The following ADGRL3 variants were observed in gnomAD, a reference collection of about 807,000 sequenced individuals.
ADGRL3 encodes adhesion G protein-coupled receptor L3.
In ADGRL3, 62 loss-of-function variants were observed where a neutral mutation model predicts 153.5. The observed-to-expected ratio is 0.40, with a 90% CI of 0.33 to 0.50. ADGRL3 has a LOEUF of 0.50. Ranked by LOEUF, ADGRL3 falls within the 20% of genes least tolerant of loss-of-function variation. The probability of loss-of-function intolerance (pLI) is 0.47; values close to 1 mark genes in which losing one functional copy is unlikely to be tolerated. For missense variants in ADGRL3, 1,641 were observed against 1,859.4 expected (o/e 0.88, Z 2.16); for synonymous variants, 710 against 672.5 (o/e 1.06, Z -0.86).
intron 4 of ADGRL3, chr4:61,583,806 G>A (rs2098935547): frequency 2.0e-6 from 1 of 509,054 alleles, no homozygotes; most frequent in Non-Finnish European, 3.9e-6. Context: ...ATGACACTGT[G>A]TTCTTTGATA....
chr4:61,340,371 A>G lies in ADGRL3; in HGVS notation c.-239-42753A>G, dbSNP rs914250569. On this transcript the variant is annotated intron_variant, in intron 1 of 26. Coordinates refer to ENST00000683033, the MANE Select transcript of ADGRL3 (RefSeq NM_001387552.1). Reference sequence around the variant, plus strand: ...CTTTTCTCTATTATAGCAATTCAAGATTTATAACTTGTCTTACTTTGGGAG... The same window carrying G: ...CTTTTCTCTATTATAGCAATTCAAGGTTTATAACTTGTCTTACTTTGGGAG... 2.6e-5 allele frequency among the ~76,000 whole-genome samples: 4 copies of G among 151,456 alleles called. No homozygotes were observed. In the South Asian group the frequency reaches 8.3e-4, roughly 31 times the overall value.
chr4:61,462,973 G>A (rs1244723625), intron 2 of ADGRL3, among the ~76,000 whole-genome samples: 1 of 152,138 alleles, frequency 6.6e-6, no homozygotes, highest in Non-Finnish European at 1.5e-5. Context: ...CAAGGTCTCT[G>A]CTAGAAAAAT....
chr4:62,068,086 C>A, intron 25 of ADGRL3, 80 bp from the exon 26 acceptor site: 1 of 950,894 alleles, frequency 1.1e-6, no homozygotes, highest in Non-Finnish European at 1.5e-6. Flanking sequence ...CATCAATTTG[C>A]TTTTTACTCA....
intron 9 of ADGRL3, among the ~76,000 whole-genome samples, chr4:61,869,960 A>AAAAAAAAAAAGAG (rs1554051477): frequency 9.8e-6 from 1 of 101,866 alleles, no homozygotes; most frequent in East Asian, 2.6e-4. Context: ...AAAAAAAAAA[A>AAAAAAAAAAAGAG]AGAGAGAGAG....
intron 9 of ADGRL3, among the ~76,000 whole-genome samples, chr4:61,868,887 A>C (rs1169282354): frequency 6.6e-6 from 1 of 152,140 alleles, no homozygotes; most frequent in Admixed American, 6.5e-5. Context: ...CGATGCTATT[A>C]ATTGTCCAAG....
intron 6 of ADGRL3, among the ~76,000 whole-genome samples, chr4:61,681,471 G>A (rs2095334354): frequency 6.6e-6 from 1 of 151,808 alleles, no homozygotes; most frequent in Admixed American, 6.6e-5. Flanking sequence ...AAATTGCGGG[G>A]GGAAGTACAC....
At chr4:61,779,636 A>T (rs2097192029) in intron 8 of ADGRL3, among the ~76,000 whole-genome samples, 1 of 140,718 alleles carries the variant, frequency 7.1e-6, no homozygotes, top group African/African-American at 2.6e-5. Flanking sequence ...TCTGTCTCAA[A>T]AAAAAAAAAA....
chr4:61,660,522 G>T (rs1453938039), intron 5 of ADGRL3, among the ~76,000 whole-genome samples: 1 of 151,976 alleles, frequency 6.6e-6, no homozygotes, highest in Non-Finnish European at 1.5e-5. Flanking sequence ...TCTCCTTAAA[G>T]CCAAAAATAT....
intron 2 of ADGRL3, among the ~76,000 whole-genome samples, chr4:61,494,308 G>A (rs1488057645): frequency 9.9e-5 from 15 of 152,022 alleles, no homozygotes; most frequent in Admixed American, 3.3e-4. Context: ...GTATGTGTGT[G>A]TATACATACA....
At chr4:61,595,949 C>T (rs2098987337) in intron 5 of ADGRL3, among the ~76,000 whole-genome samples, 2 of 152,012 alleles carry the variant, frequency 1.3e-5, no homozygotes, top group South Asian at 4.1e-4. Flanking sequence ...GCACTGAATT[C>T]AATGTAAAGT....
At chr4:61,641,863 C>A (rs889072819) in intron 5 of ADGRL3, among the ~76,000 whole-genome samples, 1 of 148,834 alleles carries the variant, frequency 6.7e-6, no homozygotes, top group African/African-American at 2.5e-5. Flanking sequence ...AATCGCCACA[C>A]TGACTTCCAC....
At chr4:61,545,216 C>T (rs746591970) in intron 4 of ADGRL3, among the ~76,000 whole-genome samples, 50 of 152,140 alleles carry the variant, frequency 3.3e-4, no homozygotes, top group Admixed American at 1.8e-3. Context: ...AAGCTGTCCC[C>T]GTTACCCAGC....
At chr4:61,250,195 C>T (rs1758701062) in intron 1 of ADGRL3, among the ~76,000 whole-genome samples, 1 of 152,108 alleles carries the variant, frequency 6.6e-6, no homozygotes, top group Non-Finnish European at 1.5e-5. Context: ...TAAATCTATC[C>T]TTCTGAAATT....
intron 5 of ADGRL3, among the ~76,000 whole-genome samples, chr4:61,642,252 A>G (rs2093715287): frequency 1.3e-5 from 2 of 151,948 alleles, no homozygotes; most frequent in Non-Finnish European, 2.9e-5. Flanking sequence ...GTTCACTCTG[A>G]TGGCAGTTTC....
At chr4:61,620,197 C>T (rs1037419507) in intron 5 of ADGRL3, among the ~76,000 whole-genome samples, 9 of 151,982 alleles carry the variant, frequency 5.9e-5, no homozygotes, top group African/African-American at 9.7e-5. Flanking sequence ...TCTCTACATT[C>T]TGAAACCTTT....
intron 3 of ADGRL3, among the ~76,000 whole-genome samples, chr4:61,509,230 T>G (rs1459864184): frequency 6.8e-6 from 1 of 148,110 alleles, no homozygotes; most frequent in Non-Finnish European, 1.5e-5. Context: ...CGGGTTCAAG[T>G]GATTCTCCTG....
chr4:62,020,875 A>G (rs1227684322), intron 21 of ADGRL3, among the ~76,000 whole-genome samples: 2 of 152,044 alleles, frequency 1.3e-5, no homozygotes, highest in South Asian at 2.1e-4. Context: ...TATCTCTTTT[A>G]ATGTTCATTA....
intron 5 of ADGRL3, among the ~76,000 whole-genome samples, chr4:61,612,807 G>A (rs1033926593): frequency 2.0e-5 from 3 of 152,092 alleles, no homozygotes; most frequent in African/African-American, 7.2e-5. Context: ...TGTCTGAAGT[G>A]CTGAGCTGTT....
chr4:61,230,641 T>G (rs1456169184), intron 1 of ADGRL3, among the ~76,000 whole-genome samples: 1 of 152,154 alleles, frequency 6.6e-6, no homozygotes, highest in African/African-American at 2.4e-5. Context: ...TGTTTCGGCC[T>G]CCCAAAGTGC....
Sources: allele counts gnomAD v4.1 joint callset (sites outside exome capture counted in the v4.1 genomes callset), GRCh38; gene constraint gnomAD v4.1.1; transcripts MANE v1.5; gene names NCBI Gene and HGNC (gene_info 2026-07-23, HGNC 2026-07-21).